Variants in MED27 observed in about 807,000 individuals in gnomAD.
MED27 encodes mediator complex subunit 27, also known as mediator of RNA polymerase II transcription subunit 27.
MED27 carries 30 observed loss-of-function variants against 38.2 expected under a neutral mutation model. The observed-to-expected ratio is 0.79, with a 90% CI of 0.59 to 1.07. The LOEUF is 1.07. Among genes scored for constraint, MED27 ranks in the 50% least tolerant of loss-of-function variants. The pLI, the probability that MED27 is intolerant of heterozygous loss-of-function variation, is 0.00. For missense variants in MED27, 289 were observed against 397.5 expected (o/e 0.73, Z 2.32); for synonymous variants, 122 against 153.5 (o/e 0.79, Z 1.52).
At chr9:132,071,130 C>T (rs1833924596) in intron 2 of MED27, among the ~76,000 whole-genome samples, 1 of 152,156 alleles carries the variant, frequency 6.6e-6, no homozygotes, top group South Asian at 2.1e-4. Context: ...ATTTTGTCCT[C>T]ATAACACCTT....
chr9:132,057,763 G>A (rs1176451766), intron 2 of MED27, among the ~76,000 whole-genome samples: 1 of 152,148 alleles, frequency 6.6e-6, no homozygotes, highest in Admixed American at 6.5e-5. Context: ...ATCTTTCTTT[G>A]AGACTCACAA....
intron 4 of MED27, among the ~76,000 whole-genome samples, chr9:131,901,730 G>A (rs1829952180): frequency 6.6e-6 from 1 of 152,146 alleles, no homozygotes; most frequent in East Asian, 1.9e-4. Flanking sequence ...GCTCATCAGT[G>A]CCCCTATACT....
chr9:132,043,347 C>A (rs1833262864), intron 2 of MED27, among the ~76,000 whole-genome samples: 1 of 141,540 alleles, frequency 7.1e-6, no homozygotes, highest in Non-Finnish European at 1.5e-5. Flanking sequence ...AGATGTCTGT[C>A]TTCAGGAAAT....
chr9:132,014,281 T>C (rs540504218), intron 3 of MED27, 56 bp downstream of exon 3: 1 of 1,540,424 alleles, frequency 6.5e-7, no homozygotes, highest in South Asian at 1.2e-5. Context: ...CAAAAACAAG[T>C]ATAAAGTAAA....
intron 2 of MED27, among the ~76,000 whole-genome samples, chr9:132,064,220 C>A (rs988568397): frequency 1.3e-5 from 2 of 152,098 alleles, no homozygotes; most frequent in African/African-American, 4.8e-5. Flanking sequence ...GGTGGGTGAT[C>A]GGACACACCA....
At chr9:131,863,002 C>T (rs1266285607) in intron 7 of MED27, 61 bp downstream of exon 7, 3 of 1,458,756 alleles carry the variant, frequency 2.1e-6, no homozygotes, top group African/African-American at 2.8e-5. Context: ...TTCAAGCTCC[C>T]TGTTCTCACT....
rs914876445 is a variant in MED27 at position 131,982,539 on chromosome 9, T to G, written c.479+31798A>C. Among the ~76,000 whole-genome samples, 2 of 152,246 alleles carry G rather than the reference T, an allele frequency of 1.3e-5. No individual in the cohort carries two copies. Among genetic ancestry groups the G allele is most frequent in the Non-Finnish European group, 2.9e-5 (2 of 68,040 alleles). ...GAGGCAGACGATAAATGATTCAACATGTATGGCCTCATTTATTCTCATGAC... is the reference window on the plus strand; with the variant it reads ...GAGGCAGACGATAAATGATTCAACAGGTATGGCCTCATTTATTCTCATGAC... On this transcript the variant is annotated intron_variant, in intron 3 of 7. Transcript: ENST00000292035. This position sits in a 1 kb window ranked among gnomAD's most constrained non-coding sequence, Gnocchi z 4.3.
At chr9:132,024,236 G>A (rs1832772118) in intron 2 of MED27, among the ~76,000 whole-genome samples, 1 of 152,144 alleles carries the variant, frequency 6.6e-6, no homozygotes, top group African/African-American at 2.4e-5. Context: ...TGCGTTTATT[G>A]GGCACACTCC....
chr9:131,933,481 T>C (rs1007693577), intron 4 of MED27, among the ~76,000 whole-genome samples: 1 of 151,644 alleles, frequency 6.6e-6, no homozygotes. Flanking sequence ...GAAAAAGAAA[T>C]AAAAAAGTAA....
chr9:131,968,797 T>C (rs939645018), intron 3 of MED27, among the ~76,000 whole-genome samples: 2 of 152,156 alleles, frequency 1.3e-5, no homozygotes, highest in African/African-American at 2.4e-5. Context: ...AGGTGAGTGG[T>C]GGGCGAGCGA....
rs961414180 is a variant in MED27, at chr9:131,913,296, C to A, written c.574-19304G>T. 6.6e-6 allele frequency among the ~76,000 whole-genome samples: 1 copy of A among 152,210 alleles called. No homozygotes were observed. Among genetic ancestry groups the A allele is most frequent in the Admixed American group, 6.5e-5 (1 of 15,290 alleles). The stretch of plus-strand genomic sequence containing the variant: ...TGATAAAGAAAGACCAGGACTTGGG[C>A]ATTTCATGGATCTCACTTCAAATCC... On this transcript the variant is annotated intron_variant, in intron 4 of 7. Transcript: ENST00000292035. The surrounding 1 kb of genome is among the most constrained non-coding windows in gnomAD (Gnocchi z 4.5).
Position 131,997,404 on chromosome 9 carries a change from C to A in MED27, c.479+16933G>T, listed in dbSNP as rs1436185643. 6.6e-6 allele frequency among the ~76,000 whole-genome samples: 1 copy of A among 152,194 alleles called. No individual in the cohort carries two copies. Among genetic ancestry groups the A allele is most frequent in the Non-Finnish European group, 1.5e-5 (1 of 68,040 alleles). ...GCTATCTCACCGAGGTCACAGCCTT[C>A]CTGGAGCCACCTGCATATGGTGACT... On this transcript the variant is annotated intron_variant, in intron 3 of 7. Coordinates refer to ENST00000292035, the MANE Select transcript of MED27 (RefSeq NM_004269.4). The surrounding 1 kb of genome is among the most constrained non-coding windows in gnomAD (Gnocchi z 4.0).
At chr9:132,009,133 T>C (rs927844173) in intron 3 of MED27, among the ~76,000 whole-genome samples, 1 of 152,070 alleles carries the variant, frequency 6.6e-6, no homozygotes, top group African/African-American at 2.4e-5. Flanking sequence ...ACTCAGAACT[T>C]CCCAAAAACC....
intron 2 of MED27, among the ~76,000 whole-genome samples, chr9:132,020,252 A>G (rs1832689820): frequency 6.6e-6 from 1 of 152,190 alleles, no homozygotes; most frequent in South Asian, 2.1e-4. Flanking sequence ...AATGATAGCA[A>G]GCAAGGACAC....
chr9:131,888,299 G>T (rs548787378), intron 5 of MED27, among the ~76,000 whole-genome samples: 1 of 152,374 alleles, frequency 6.6e-6, no homozygotes, highest in South Asian at 2.1e-4. Flanking sequence ...GCTCAGAGAA[G>T]TTAGGTGACT....
chr9:132,063,516 CT>C (rs1460660197), intron 2 of MED27, among the ~76,000 whole-genome samples: 5 of 152,306 alleles, frequency 3.3e-5, no homozygotes, highest in Admixed American at 2.6e-4. Context: ...GTTATGCTGT[CT>C]GAGCTACTGT....
intron 3 of MED27, among the ~76,000 whole-genome samples, chr9:131,987,030 T>TTA (rs1831866202): frequency 1.5e-5 from 2 of 137,030 alleles, no homozygotes; most frequent in Non-Finnish European, 1.5e-5. Context: ...TTTTTTTTTT[T>TTA]AGAATACTAC....
At chr9:131,920,871 T>C (rs1830378462) in intron 4 of MED27, among the ~76,000 whole-genome samples, 1 of 151,862 alleles carries the variant, frequency 6.6e-6, no homozygotes, top group Non-Finnish European at 1.5e-5. Flanking sequence ...CCATTGGAGG[T>C]TCTGAAGAGA....
intron 5 of MED27, among the ~76,000 whole-genome samples, chr9:131,887,728 A>C (rs1839164600): frequency 6.6e-6 from 1 of 152,232 alleles, no homozygotes; most frequent in South Asian, 2.1e-4. Flanking sequence ...CTGATGAACA[A>C]GAAATTATTC....
Sources: gnomAD v4.1 joint callset for allele counts (sites outside exome capture counted in the v4.1 genomes callset) on GRCh38, gnomAD v4.1.1 for gene constraint, Gnocchi (gnomAD v3.1) non-coding constraint, MANE v1.5 for transcripts, NCBI Gene and HGNC (gene_info 2026-07-23, HGNC 2026-07-21) for gene names.